The following MYEF2 variants were observed in gnomAD, a reference collection of about 807,000 sequenced individuals.
The protein encoded by MYEF2 is myelin gene expression factor 2.
A neutral mutation model predicts 75.2 loss-of-function variants in MYEF2; 37 were observed. That is an observed-to-expected ratio of 0.49 (90% CI 0.38 to 0.65). The LOEUF is 0.65. MYEF2 is among the 30% of genes least tolerant of loss of function. The probability of loss-of-function intolerance (pLI) is 0.00; values close to 1 mark genes in which losing one functional copy is unlikely to be tolerated. For synonymous variants in MYEF2, 195 were observed against 241.6 expected, an observed-to-expected ratio of 0.81 and a Z score of 1.79; for missense variants, 634 against 771.4, an observed-to-expected ratio of 0.82 and a Z score of 2.11.
At chr15:48,172,607 A>G (rs1460180856) in intron 1 of MYEF2, among the ~76,000 whole-genome samples, 1 of 151,954 alleles carries the variant, frequency 6.6e-6, no homozygotes, top group Non-Finnish European at 1.5e-5. Flanking sequence ...ACAAAGATCA[A>G]ACTAGATTAA....
chr15:48,147,089 G>T (rs1257810210), intron 16 of MYEF2, among the ~76,000 whole-genome samples: 1 of 151,854 alleles, frequency 6.6e-6, no homozygotes, highest in African/African-American at 2.4e-5. Context: ...TAAGAATAGA[G>T]CTAAAATAGC....
Position 48,142,925 on chromosome 15 carries a change from A to C in MYEF2, c.1786T>G (p.Leu596Val), listed in dbSNP as rs1486499158. 1 of 1,596,006 alleles carries C rather than the reference A, an allele frequency of 6.3e-7. No homozygotes were observed. Among genetic ancestry groups the C allele is most frequent in the East Asian group, 2.3e-5 (1 of 43,040 alleles). ...KISGREIDVR[L>V]DRNA is the part of the protein sequence containing the mutation. ...GCTTGAAATTATGCATTACGATCCA[A>C]GCGAACATCAATTTCTCTGCCACTG... Residue 596 changes from leucine to valine, a missense_variant, in exon 17 of 17, where the codon TTG becomes GTG. Coordinates refer to ENST00000324324, the MANE Select transcript of MYEF2 (RefSeq NM_016132.5).
In MYEF2 at chr15:48,136,294, T is replaced by C. The variant is rs1338247763; in HGVS notation, c.*6614A>G. The C allele has an allele frequency of 1.9e-5, 3 of 155,662 alleles. No homozygotes were observed. The highest frequency in any genetic ancestry group is 7.2e-5 in the African/African-American group (3 of 41,612). 9.6% of individuals were successfully genotyped at this position (155,662 alleles called of 1,614,324 possible). On this transcript the variant is annotated 3_prime_UTR_variant, in exon 17 of 17. Coordinates refer to ENST00000324324, the MANE Select transcript of MYEF2 (RefSeq NM_016132.5). ...ACTATATTATTTTATAATTATTATGTATGTTGGGGAATGTATTATGCCAAT... is the reference window on the plus strand; with the variant it reads ...ACTATATTATTTTATAATTATTATGCATGTTGGGGAATGTATTATGCCAAT...
At chr15:48,151,848 A>C (rs2039503867) in intron 12 of MYEF2, 26 bp downstream of exon 12, 1 of 1,604,226 alleles carries the variant, frequency 6.2e-7, no homozygotes, top group Non-Finnish European at 8.5e-7. Flanking sequence ...ATATGCACAC[A>C]CTTCCCACTG....
At chr15:48,169,605 T>C (rs891190040) in intron 1 of MYEF2, among the ~76,000 whole-genome samples, 2 of 151,898 alleles carry the variant, frequency 1.3e-5, no homozygotes, top group African/African-American at 4.8e-5. Flanking sequence ...CCTGATTTTT[T>C]TTTTTTTTTT....
intron 1 of MYEF2, among the ~76,000 whole-genome samples, chr15:48,174,232 T>C (rs1362394013): frequency 3.3e-5 from 5 of 152,008 alleles, no homozygotes; most frequent in African/African-American, 9.7e-5. Flanking sequence ...AAATATACAA[T>C]GGTGAAAGGA....
At chr15:48,163,616 C>T (rs534794057) in intron 5 of MYEF2, among the ~76,000 whole-genome samples, 1 of 152,268 alleles carries the variant, frequency 6.6e-6, no homozygotes, top group South Asian at 2.1e-4. Flanking sequence ...AAGAAGATGC[C>T]ATCTAGGACT....
rs553993673 is a variant in MYEF2, at chr15:48,141,033, G to A, written c.*1875C>T. 341 of 1,169,346 alleles carry A rather than the reference G, an allele frequency of 2.9e-4. 1 individual carries two copies. In the South Asian group the frequency reaches 4.0e-3, roughly 14 times the overall value. 72.4% of individuals were successfully genotyped at this position (1,169,346 alleles called of 1,614,324 possible). On this transcript the variant is annotated 3_prime_UTR_variant, in exon 17 of 17. Transcript: ENST00000324324. ...ATGTGCCTATTTTATTTTTGTTCACGAAGGAAATATCCAAAATAACTGCAA... is the reference window on the plus strand; with the variant it reads ...ATGTGCCTATTTTATTTTTGTTCACAAAGGAAATATCCAAAATAACTGCAA...
chr15:48,149,410 T>C lies in MYEF2; in HGVS notation c.1379-39A>G. 1 of 1,596,692 alleles carries C rather than the reference T, an allele frequency of 6.3e-7. No homozygotes were observed. The highest frequency in any genetic ancestry group is 8.6e-7 in the Non-Finnish European group (1 of 1,166,718). On this transcript the variant is annotated intron_variant, in intron 14 of 16. Transcript: ENST00000324324. The surrounding 1 kb of genome is among the most constrained non-coding windows in gnomAD (Gnocchi z 4.0). ...AAAGGACGGGGGGATTTGGGAATTT[T>C]GTGTTTTTGTTTCAAAAACATAAGG...
At position 48,178,190 on chromosome 15, in the gene MYEF2, G is replaced by A. The variant is rs1248105692; in HGVS notation, c.48C>T (p.Asp16=). The change falls in exon 1 of 17, where the codon GAC becomes GAT. Residue 16 remains aspartate, a synonymous_variant. Coordinates refer to ENST00000324324, the MANE Select transcript of MYEF2 (RefSeq NM_016132.5). ...KAEVPGATGG[D]SPHLQPAEPP... ...GCTCTGCGGGCTGCAGGTGCGGGCT[G>A]TCGCCACCAGTGGCCCCGGGCACCT... The A allele has an allele frequency of 2.6e-6, 4 of 1,517,940 alleles. No homozygotes were observed. Among genetic ancestry groups the A allele is most frequent in the Non-Finnish European group, 3.5e-6 (4 of 1,133,998 alleles). The allele number at this position is 1,517,940 out of a possible 1,614,324, so 94.0% of individuals were successfully genotyped here. A position where few individuals can be genotyped will look rare whatever the true frequency, so the allele number is the denominator to read the frequency against.
chr15:48,153,784 A>C lies in MYEF2; in HGVS notation c.1087+8T>G. On this transcript the variant is annotated splice_region_variant and intron_variant, in intron 10 of 16. Coordinates refer to ENST00000324324, the MANE Select transcript of MYEF2 (RefSeq NM_016132.5). ...TTTAAAAAGAAAAGAGGAAGTTAGA[A>C]TACTCACCACCTGGACCTAAATTTC... is the stretch of plus-strand genomic sequence containing the variant. 6.2e-7 allele frequency: 1 copy of C among 1,609,898 alleles called. No individual in the cohort carries two copies. Among genetic ancestry groups the C allele is most frequent in the Non-Finnish European group, 8.5e-7 (1 of 1,176,638 alleles).
chr15:48,170,701 T>C (rs746476079), intron 1 of MYEF2, among the ~76,000 whole-genome samples: 1 of 152,158 alleles, frequency 6.6e-6, no homozygotes, highest in African/African-American at 2.4e-5. Context: ...TGTTACATAA[T>C]ATATACAGAG....
At chr15:48,155,629 A>G (rs1245165149) in intron 9 of MYEF2, among the ~76,000 whole-genome samples, 1 of 152,056 alleles carries the variant, frequency 6.6e-6, no homozygotes, top group Non-Finnish European at 1.5e-5. Flanking sequence ...ATGAATTCCA[A>G]AGAATCACAC....
chr15:48,165,261 T>C (rs2040093362), intron 5 of MYEF2, among the ~76,000 whole-genome samples: 1 of 152,116 alleles, frequency 6.6e-6, no homozygotes, highest in Non-Finnish European at 1.5e-5. Context: ...AATCAAACTA[T>C]TAAGATTAAC....
At chr15:48,173,954 C>A (rs2040424792) in intron 1 of MYEF2, among the ~76,000 whole-genome samples, 1 of 152,036 alleles carries the variant, frequency 6.6e-6, no homozygotes, top group Admixed American at 6.6e-5. Context: ...TGATCTCTAT[C>A]AAAATTCTAA....
At position 48,159,745 on chromosome 15, in the gene MYEF2, T is replaced by C; in HGVS notation, c.585A>G (p.Gly195=). 1 of 1,613,632 alleles carries C rather than the reference T, an allele frequency of 6.2e-7. No homozygotes were observed. The stretch of plus-strand genomic sequence containing the variant: ...CTGATCCCATATCAGGGACGTGTCC[T>C]CCTGGAAATGATCCTCCTGTTCGCT... ...ALQRTGGSFP[G]GHVPDMGSGL... The change falls in exon 6 of 17, where the codon GGA becomes GGG. Residue 195 remains glycine, a synonymous_variant. Transcript: ENST00000324324.
At chr15:48,148,199 C>T (rs1369458764) in intron 16 of MYEF2, among the ~76,000 whole-genome samples, 1 of 151,816 alleles carries the variant, frequency 6.6e-6, no homozygotes, top group Non-Finnish European at 1.5e-5. Flanking sequence ...TGACTACAGT[C>T]GCTGAGATTC....
chr15:48,171,626 T>A (rs1033450605), intron 1 of MYEF2, among the ~76,000 whole-genome samples: 27 of 151,940 alleles, frequency 1.8e-4, no homozygotes, highest in Admixed American at 1.7e-3. Flanking sequence ...AAAAAAACTA[T>A]AAAAGGCATA....
In MYEF2 at chr15:48,147,520, C is replaced by G. The variant is rs140449902; in HGVS notation, c.1639+1512G>C. 8.7e-4 allele frequency among the ~76,000 whole-genome samples: 132 copies of G among 151,732 alleles called. 1 individual carries two copies. In the Middle Eastern group the frequency reaches 0.014, roughly 16 times the overall value. On this transcript the variant is annotated intron_variant, in intron 16 of 16. Coordinates refer to ENST00000324324, the MANE Select transcript of MYEF2 (RefSeq NM_016132.5). ...CTCATTTGATGTATTTCACTAAGAC[C>G]CTATATACATTCTTTCCTCTGTAGT... is the stretch of plus-strand genomic sequence containing the variant.
Sources: allele counts gnomAD v4.1 joint callset (sites outside exome capture counted in the v4.1 genomes callset), GRCh38; gene constraint gnomAD v4.1.1; non-coding constraint Gnocchi (gnomAD v3.1); transcripts MANE v1.5; gene names NCBI Gene and HGNC (gene_info 2026-07-23, HGNC 2026-07-21).